TLK2: variants seen among roughly 807,000 people sequenced by gnomAD.
TLK2 encodes tousled like kinase 2, also known as serine/threonine-protein kinase tousled-like 2.
In TLK2, 6 loss-of-function variants were observed where a neutral mutation model predicts 117.3. The observed-to-expected ratio is 0.05, with a 90% CI of 0.03 to 0.10. TLK2 has a LOEUF of 0.10. Ranked by LOEUF, TLK2 falls within the 10% of genes least tolerant of loss-of-function variation. TLK2 has a pLI of 1.00. For missense variants in TLK2, 299 were observed against 901.2 expected, an observed-to-expected ratio of 0.33 and a Z score of 8.56; for synonymous variants, 257 against 316.7, an observed-to-expected ratio of 0.81 and a Z score of 2.00.
chr17:62,540,138 G>A (rs1004811880), intron 7 of TLK2, among the ~76,000 whole-genome samples: 10 of 113,790 alleles, frequency 8.8e-5, no homozygotes, highest in African/African-American at 3.3e-4. Context: ...GAGTATTAGT[G>A]TGTTACCTAG....
In TLK2 at chr17:62,562,400, A is replaced by C. The variant is rs1239091126; in HGVS notation, c.831+2274A>C. Among the ~76,000 whole-genome samples the C allele has an allele frequency of 2.0e-5, 3 of 152,232 alleles. No individual in the cohort carries two copies. In the East Asian group the frequency reaches 5.8e-4, roughly 29 times the overall value. On this transcript the variant is annotated intron_variant, in intron 10 of 21. Coordinates refer to ENST00000346027, the MANE Select transcript of TLK2 (RefSeq NM_006852.6). ...AAATGAAAATGCAATCATAGAGTGCAATGTTATCTTTCATAGAATTTGAAT... is the reference window on the plus strand; with the variant it reads ...AAATGAAAATGCAATCATAGAGTGCCATGTTATCTTTCATAGAATTTGAAT...
chr17:62,605,286 G>A (rs1193516418), intron 19 of TLK2, among the ~76,000 whole-genome samples: 1 of 152,140 alleles, frequency 6.6e-6, no homozygotes, highest in Non-Finnish European at 1.5e-5. Context: ...GAGATCGTGA[G>A]TGAAGTGGGA....
intron 15 of TLK2, 167 bp from the exon 16 acceptor site, chr17:62,585,968 C>G: frequency 1.9e-6 from 1 of 530,494 alleles, no homozygotes; most frequent in Non-Finnish European, 3.4e-6. Context: ...TCTAAATTAT[C>G]TAATCACAAG....
At chr17:62,472,197 C>T (rs1386188632) in intron 1 of TLK2, among the ~76,000 whole-genome samples, 10 of 151,918 alleles carry the variant, frequency 6.6e-5, no homozygotes, top group African/African-American at 2.4e-4. Flanking sequence ...TGAGCCACCG[C>T]GCCCAGCAGT....
At chr17:62,478,572 C>G (rs1052220312), upstream of TLK2, among the ~76,000 whole-genome samples, 1 of 150,486 alleles carries the variant, frequency 6.6e-6, no homozygotes, top group Admixed American at 6.6e-5. Flanking sequence ...GTCGCCCGCC[C>G]TCAGCCGTCC....
chr17:62,559,293 A>G (rs2079077620), intron 9 of TLK2, among the ~76,000 whole-genome samples: 1 of 108,584 alleles, frequency 9.2e-6, no homozygotes, highest in African/African-American at 2.6e-5. Flanking sequence ...AAAAGAACAA[A>G]GCAAACATAA....
chr17:62,476,704 G>C (rs1324550170), upstream of TLK2, among the ~76,000 whole-genome samples: 1 of 152,194 alleles, frequency 6.6e-6, no homozygotes, highest in Non-Finnish European at 1.5e-5. Flanking sequence ...TCTGTGGAAA[G>C]AGCTAGGCTG....
intron 8 of TLK2, 55 bp downstream of exon 8, chr17:62,552,452 G>A: frequency 6.2e-7 from 1 of 1,612,604 alleles, no homozygotes; most frequent in Non-Finnish European, 8.5e-7. Flanking sequence ...TAGGAATAAG[G>A]GCTAACCTGT....
chr17:62,559,856 T>C lies in TLK2; in HGVS notation c.721-160T>C, dbSNP rs550635741. ...TATGAGAGAATAAAGGAATGAATTA[T>C]TTACTTTTTCTAAGACATAGTTACT... On this transcript the variant is annotated intron_variant, in intron 9 of 21. Coordinates refer to ENST00000346027, the MANE Select transcript of TLK2 (RefSeq NM_006852.6). 5.8e-3 allele frequency among the ~76,000 whole-genome samples: 877 copies of C among 152,346 alleles called. 8 individuals carry two copies. The highest frequency in any genetic ancestry group is 0.02 in the African/African-American group (836 of 41,574).
intron 7 of TLK2, among the ~76,000 whole-genome samples, chr17:62,541,154 T>C (rs2145937076): frequency 6.6e-6 from 1 of 152,272 alleles, no homozygotes; most frequent in South Asian, 2.1e-4. Context: ...CACTATAAAA[T>C]AGCAACTTCT....
intron 2 of TLK2, among the ~76,000 whole-genome samples, chr17:62,511,745 G>A (rs1411283528): frequency 6.6e-6 from 1 of 152,116 alleles, no homozygotes; most frequent in Non-Finnish European, 1.5e-5. Context: ...ATATAAATAG[G>A]CCATTCCTTT....
intron 11 of TLK2, among the ~76,000 whole-genome samples, chr17:62,567,946 G>C (rs1026599954): frequency 6.6e-6 from 1 of 151,872 alleles, no homozygotes; most frequent in African/African-American, 2.4e-5. Flanking sequence ...AGTAATTTTT[G>C]CTTTCCACAG....
chr17:62,542,268 A>T (rs1188056949), intron 7 of TLK2, among the ~76,000 whole-genome samples: 1 of 152,172 alleles, frequency 6.6e-6, no homozygotes, highest in Non-Finnish European at 1.5e-5. Flanking sequence ...AATGTCAAAT[A>T]ATGTGTTCCT....
chr17:62,530,668 G>A (rs1473653993), intron 6 of TLK2, among the ~76,000 whole-genome samples: 5 of 152,032 alleles, frequency 3.3e-5, no homozygotes, highest in Non-Finnish European at 5.9e-5. Context: ...ATCAGTGTTC[G>A]TTTAGGTTTA....
chr17:62,533,376 GTGTGTGTGTGTGTGTC>G (rs1275413679), intron 6 of TLK2, among the ~76,000 whole-genome samples: 6 of 145,080 alleles, frequency 4.1e-5, no homozygotes, highest in East Asian at 2.0e-4. Flanking sequence ...GGGTGTGTGT[GTGTGTGTGTGTGTGTC>G]TGTGTGTGTG....
intron 7 of TLK2, among the ~76,000 whole-genome samples, chr17:62,540,094 CTTTT>C (rs1231329029): frequency 1.4e-5 from 2 of 144,100 alleles, no homozygotes; most frequent in East Asian, 2.0e-4. Context: ...TTCTTTCTTT[CTTTT>C]CTTTTTTTTT....
At chr17:62,597,749 A>AACTTGTCTGAGATAGTTATT (rs1336104952) in intron 17 of TLK2, among the ~76,000 whole-genome samples, 5 of 152,160 alleles carry the variant, frequency 3.3e-5, no homozygotes, top group Non-Finnish European at 7.4e-5. Context: ...GAAGTTAAAT[A>AACTTGTCTGAGATAGTTATT]ACTTGTCTGA....
intron 7 of TLK2, among the ~76,000 whole-genome samples, chr17:62,541,473 G>A (rs2077528468): frequency 6.6e-6 from 1 of 152,244 alleles, no homozygotes; most frequent in Non-Finnish European, 1.5e-5. Context: ...CAAAAGAAGT[G>A]AGGTAGCTGT....
At position 62,575,059 on chromosome 17, in the gene TLK2, T is replaced by G. The variant is rs565316576; in HGVS notation, c.1122-1650T>G. On this transcript the variant is annotated intron_variant, in intron 12 of 21. Coordinates refer to ENST00000346027, the MANE Select transcript of TLK2 (RefSeq NM_006852.6). ...TTTCCCTCTAGTATTATTTGAAAAT[T>G]ATTTAATGCTAATGCACAAAACCAT... Among the ~76,000 whole-genome samples the G allele has an allele frequency of 8.5e-5, 13 of 152,358 alleles. No individual in the cohort carries two copies. In the South Asian group the frequency reaches 2.7e-3, roughly 32 times the overall value.
Sources: gnomAD v4.1 joint callset for allele counts (sites outside exome capture counted in the v4.1 genomes callset) on GRCh38, gnomAD v4.1.1 for gene constraint, MANE v1.5 for transcripts, NCBI Gene and HGNC (gene_info 2026-07-23, HGNC 2026-07-21) for gene names.